Variants in C11orf65 observed in about 807,000 individuals in gnomAD.
C11orf65 encodes chromosome 11 open reading frame 65.
A neutral mutation model predicts 35.3 loss-of-function variants in C11orf65; 38 were observed. That is an observed-to-expected ratio of 1.08 (90% CI 0.83 to 1.41). The LOEUF (loss-of-function observed/expected upper bound fraction) is 1.41. Among genes scored for constraint, C11orf65 ranks in the 40% most tolerant of loss-of-function variants. The probability of loss-of-function intolerance (pLI) is 0.00; values close to 1 mark genes in which losing one functional copy is unlikely to be tolerated. For synonymous variants in C11orf65, 105 were observed against 114.4 expected, an observed-to-expected ratio of 0.92 and a Z score of 0.53; for missense variants, 370 against 367.1, an observed-to-expected ratio of 1.01 and a Z score of -0.06.
At chr11:108,371,060 A>G (rs972788952) in intron 2 of C11orf65, among the ~76,000 whole-genome samples, 1 of 152,332 alleles carries the variant, frequency 6.6e-6, no homozygotes, top group South Asian at 2.1e-4. Context: ...GAAGGAATCC[A>G]GCAACACAAA....
At chr11:108,317,181 C>T (rs1052658629) in intron 6 of C11orf65, among the ~76,000 whole-genome samples, 2 of 151,856 alleles carry the variant, frequency 1.3e-5, no homozygotes, top group Admixed American at 1.3e-4. Context: ...TCAAGTGATC[C>T]TCCTGCCTCA....
intron 7 of C11orf65, among the ~76,000 whole-genome samples, chr11:108,387,488 A>T (rs1252187885): frequency 1.3e-5 from 2 of 151,918 alleles, no homozygotes; most frequent in Non-Finnish European, 2.9e-5. Flanking sequence ...TGTGCTCCTG[A>T]AGTTTTTTGC....
At chr11:108,366,729 C>T (rs1286401057) in intron 2 of C11orf65, 1 of 230,728 alleles carries the variant, frequency 4.3e-6, no homozygotes, top group Non-Finnish European at 8.6e-6. Context: ...AAACACACTT[C>T]CTCCTCATCT....
chr11:108,319,795 C>G (rs1472481760), intron 6 of C11orf65, among the ~76,000 whole-genome samples: 1 of 152,136 alleles, frequency 6.6e-6, no homozygotes, highest in Non-Finnish European at 1.5e-5. Context: ...ATTTAAATGA[C>G]TCATAAAATT....
chr11:108,393,223 G>GT lies in C11orf65; in HGVS notation c.715dup (p.Thr239AsnfsTer5). ...ATGTACTTACTCATCAAAGTTCAGT[G>GT]TATTTGTCCAGTTCAGCACTTCATC... is the stretch of plus-strand genomic sequence containing the variant. On this transcript the variant is annotated frameshift_variant, in exon 7 of 9. Coordinates refer to ENST00000393084, the MANE Select transcript of C11orf65 (RefSeq NM_152587.5). LOFTEE classifies it high-confidence loss of function. The GT allele has an allele frequency of 1.2e-6, 2 of 1,613,866 alleles. No homozygotes were observed. The highest frequency in any genetic ancestry group is 1.1e-5 in the South Asian group (1 of 91,042).
chr11:108,405,318 G>A (rs951564939), intron 6 of C11orf65, 111 bp downstream of exon 6: 41 of 1,080,952 alleles, frequency 3.8e-5, no homozygotes, highest in South Asian at 3.2e-4. Flanking sequence ...CAGGGTCTGC[G>A]GGCAGACCCC....
In C11orf65 at chr11:108,323,876, G is replaced by A. The variant is rs546186253; in HGVS notation, c.641-14805C>T. On this transcript the variant is annotated intron_variant, in intron 6 of 6. Coordinates refer to the C11orf65 transcript ENST00000525729. ...AACATTAAATAATAACAAACTAAAT[G>A]CAGAAGCAGAGATAAGAATTCATCT... Among the ~76,000 whole-genome samples the A allele has an allele frequency of 6.6e-5, 10 of 152,176 alleles. No homozygotes were observed. The East Asian group carries it at 1.9e-3, about 29-fold the overall frequency.
At chr11:108,445,364 C>T (rs571493973) in intron 2 of C11orf65, among the ~76,000 whole-genome samples, 3 of 152,282 alleles carry the variant, frequency 2.0e-5, no homozygotes, top group East Asian at 1.9e-4. Context: ...CCAGTAAGGG[C>T]AGACTGACAA....
chr11:108,379,851 G>T (rs2091829862), downstream of C11orf65, among the ~76,000 whole-genome samples: 1 of 152,026 alleles, frequency 6.6e-6, no homozygotes, highest in African/African-American at 2.4e-5. Flanking sequence ...GGAATGTCTT[G>T]GAGAGTAAAT....
intron 6 of C11orf65, among the ~76,000 whole-genome samples, chr11:108,401,440 G>A (rs1591471344): frequency 6.6e-6 from 1 of 152,196 alleles, no homozygotes; most frequent in African/African-American, 2.4e-5. Flanking sequence ...TGGCTAGTGA[G>A]CCTTATCTCT....
At chr11:108,419,646 G>A (rs1011850852) in intron 3 of C11orf65, among the ~76,000 whole-genome samples, 5 of 152,202 alleles carry the variant, frequency 3.3e-5, no homozygotes, top group African/African-American at 1.2e-4. Flanking sequence ...AGGCTGCAGT[G>A]AGCTATGATG....
chr11:108,395,748 G>A (rs1164992019), intron 6 of C11orf65, among the ~76,000 whole-genome samples: 2 of 150,676 alleles, frequency 1.3e-5, no homozygotes, highest in African/African-American at 2.4e-5. Context: ...AGCCTCCCGA[G>A]TAGCTGGGAC....
At chr11:108,363,451 C>T (rs906427739) in intron 2 of C11orf65, among the ~76,000 whole-genome samples, 1 of 152,164 alleles carries the variant, frequency 6.6e-6, no homozygotes, top group African/African-American at 2.4e-5. Context: ...ATATATCTCT[C>T]CCTCTAACTC....
At chr11:108,375,358 A>G (rs1239368237) in intron 2 of C11orf65, among the ~76,000 whole-genome samples, 5 of 151,860 alleles carry the variant, frequency 3.3e-5, no homozygotes, top group Non-Finnish European at 7.4e-5. Context: ...AGAATTTTCA[A>G]CCCAGAATTT....
At chr11:108,339,122 T>C (rs537620658) in intron 2 of C11orf65, among the ~76,000 whole-genome samples, 1 of 152,320 alleles carries the variant, frequency 6.6e-6, no homozygotes, top group South Asian at 2.1e-4. Context: ...TTATTGTGTA[T>C]GTTGATAGCT....
At chr11:108,458,225 C>A (rs12278954) in intron 2 of C11orf65, among the ~76,000 whole-genome samples, 30,568 of 150,814 alleles carry the variant, frequency 0.2, 3,694 homozygotes, top group African/African-American at 0.33. Flanking sequence ...TAAAAGTGAA[C>A]CTTGGGTGTG....
intron 3 of C11orf65, among the ~76,000 whole-genome samples, chr11:108,426,101 C>T (rs2092898660): frequency 6.6e-6 from 1 of 152,112 alleles, no homozygotes; most frequent in African/African-American, 2.4e-5. Flanking sequence ...ACAAGGATGC[C>T]CTCTCTTACC....
chr11:108,396,561 G>A (rs1436695896), intron 6 of C11orf65, among the ~76,000 whole-genome samples: 1 of 151,976 alleles, frequency 6.6e-6, no homozygotes, highest in East Asian at 1.9e-4. Flanking sequence ...GCCGGTTGCG[G>A]TGGCTTATGC....
At chr11:108,327,747 T>C (rs587779860), downstream of C11orf65, 1 of 1,613,648 alleles carries the variant, frequency 6.2e-7, no homozygotes, top group Non-Finnish European at 8.5e-7. Flanking sequence ...CATGCAGACC[T>C]ATCTAGAAAA....
Sources: gnomAD v4.1 joint callset for allele counts (sites outside exome capture counted in the v4.1 genomes callset) on GRCh38, gnomAD v4.1.1 for gene constraint, MANE v1.5 for transcripts, NCBI Gene and HGNC (gene_info 2026-07-23, HGNC 2026-07-21) for gene names.